MMUT: variants seen among roughly 807,000 people sequenced by gnomAD.
MMUT encodes methylmalonyl-CoA mutase, mitochondrial.
A neutral mutation model predicts 79.9 loss-of-function variants in MMUT; 79 were observed. The ratio of observed to expected loss-of-function variants is 0.99; its 90% confidence interval spans 0.82 to 1.19. The LOEUF (loss-of-function observed/expected upper bound fraction) is 1.19. MMUT is among the 50% of genes most tolerant of loss of function. The pLI, the probability that MMUT is intolerant of heterozygous loss-of-function variation, is 0.00. For synonymous variants in MMUT, 273 were observed against 295.7 expected (o/e 0.92, Z 0.79); for missense variants, 860 against 917.2 (o/e 0.94, Z 0.81).
rs78150750 is a variant in MMUT at position 49,444,685 on chromosome 6, C to T, written c.1630G>A (p.Gly544Arg). The T allele has an allele frequency of 3.7e-5, 60 of 1,613,410 alleles. No homozygotes were observed. The highest frequency in any genetic ancestry group is 1.7e-4 in the African/African-American group (13 of 74,958). The change falls in exon 9 of 13, where the codon GGA becomes AGA. Residue 544 changes from glycine to arginine, a missense_variant. By Grantham distance (125) the Gly-to-Arg change is moderately radical. Coordinates refer to ENST00000274813, the MANE Select transcript of MMUT (RefSeq NM_000255.4). ...LAALTECAASGDGNILALAVD... is the reference protein window; with the variant it reads ...LAALTECAASRDGNILALAVD... ...GCAAGAGCCAGGATATTTCCATCTCCGCTAGCAGCACATTCGGTTAGTGCA... is the reference window on the plus strand; with the variant it reads ...GCAAGAGCCAGGATATTTCCATCTCTGCTAGCAGCACATTCGGTTAGTGCA...
intron 6 of MMUT, 65 bp downstream of exon 6, chr6:49,451,401 A>G: frequency 6.5e-7 from 1 of 1,534,950 alleles, no homozygotes; most frequent in Non-Finnish European, 8.9e-7. Context: ...TGTAAGTTTT[A>G]AAATCTATAA....
intron 1 of MMUT, among the ~76,000 whole-genome samples, chr6:49,461,323 A>G: frequency 6.6e-6 from 1 of 152,206 alleles, no homozygotes; most frequent in South Asian, 2.1e-4. Flanking sequence ...AAATATATGT[A>G]TAAGTAAAAA....
At chr6:49,441,810 A>G (rs1280141592) in intron 10 of MMUT, 30 bp downstream of exon 10, 11 of 1,603,722 alleles carry the variant, frequency 6.9e-6, no homozygotes, top group Middle Eastern at 3.3e-4. Flanking sequence ...GAAAAGATGA[A>G]ATTCTGGCCT....
At position 49,435,280 on chromosome 6, in the gene MMUT, A is replaced by G. The variant is rs553123132; in HGVS notation, c.2124+176T>C. On this transcript the variant is annotated intron_variant, in intron 12 of 12. Transcript: ENST00000274813. ...GTTAAATTATACATAATAAATTGCA[A>G]TATAACTTGAATGCAAAACAACACT... Among the ~76,000 whole-genome samples the G allele has an allele frequency of 2.0e-5, 3 of 152,364 alleles. No individual in the cohort carries two copies. In the South Asian group the frequency reaches 6.2e-4, roughly 32 times the overall value.
rs1767768023 is a variant in MMUT, at chr6:49,459,103, A to T, written c.364T>A (p.Phe122Ile). 1 of 1,614,046 alleles carries T rather than the reference A, an allele frequency of 6.2e-7. No individual in the cohort carries two copies. The highest frequency in any genetic ancestry group is 8.5e-7 in the Non-Finnish European group (1 of 1,180,000). Reference protein sequence around the residue: ...GFSTVEESNKFYKDNIKAGQQ... With the variant: ...GFSTVEESNKIYKDNIKAGQQ... ...TCACCCTTAATGTTGTCCTTATAGAACTTATTGCTTTCTTCCACAGTACTA... is the reference window on the plus strand; with the variant it reads ...TCACCCTTAATGTTGTCCTTATAGATCTTATTGCTTTCTTCCACAGTACTA... The change falls in exon 2 of 13, where the codon TTC (phenylalanine) becomes ATC (isoleucine). Residue 122 changes from phenylalanine (F) to isoleucine (I), a missense_variant. Phe to Ile is a conservative substitution (Grantham distance 21). Coordinates refer to ENST00000274813, the MANE Select transcript of MMUT (RefSeq NM_000255.4).
At chr6:49,436,210 A>C (rs979222283) in intron 11 of MMUT, among the ~76,000 whole-genome samples, 1 of 152,202 alleles carries the variant, frequency 6.6e-6, no homozygotes, top group African/African-American at 2.4e-5. Context: ...TGTAGACGAC[A>C]GTGTGGTGAT....
rs777583211 is a variant in MMUT at position 49,451,682 on chromosome 6, T to C, written c.1116A>G (p.Ile372Met). 3 of 1,613,976 alleles carry C rather than the reference T, an allele frequency of 1.9e-6. No homozygotes were observed. Among genetic ancestry groups the C allele is most frequent in the Non-Finnish European group, 2.5e-6 (3 of 1,179,874 alleles). ...CTCCAAATACTGCTGCCATTGCTTC[T>C]ATTGCAGTACGGACAATATTATTGT... ...DPYNNIVRTA[I>M]EAMAAVFGGT... Residue 372 changes from isoleucine to methionine, a missense_variant, in exon 6 of 13, where the codon ATA becomes ATG. Coordinates refer to ENST00000274813, the MANE Select transcript of MMUT (RefSeq NM_000255.4).
rs1301344180 is a variant in MMUT, at chr6:49,448,913, A to G, written c.1347T>C (p.Ile449=). 6.2e-7 allele frequency: 1 copy of G among 1,610,010 alleles called. No homozygotes were observed. Among genetic ancestry groups the G allele is most frequent in the African/African-American group, 1.3e-5 (1 of 74,818 alleles). ...YDAALKLINE[I]EEMGGMAKAV... ...CTTTGGCCATTCCACCCATTTCTTC[A>G]ATTTCATTAATGAGCTAAAAAGAAA... is the stretch of plus-strand genomic sequence containing the variant. Residue 449 remains isoleucine (I), a synonymous_variant, in exon 7 of 13, where the codon ATT becomes ATC. Coordinates refer to ENST00000274813, the MANE Select transcript of MMUT (RefSeq NM_000255.4).
chr6:49,455,970 A>G, intron 4 of MMUT, 110 bp downstream of exon 4: 2 of 996,386 alleles, frequency 2.0e-6, no homozygotes, highest in Middle Eastern at 3.2e-4. Flanking sequence ...AAATATAAGA[A>G]AATCTAAATC....
chr6:49,437,323 CCCTATTAACA>C (rs1561951151), intron 11 of MMUT, among the ~76,000 whole-genome samples: 8 of 151,882 alleles, frequency 5.3e-5, no homozygotes, highest in Admixed American at 2.0e-4. Context: ...GCCAATTTCA[CCCTATTAACA>C]TGACATTACT....
At chr6:49,453,039 G>GTTTT (rs5876116) in intron 5 of MMUT, among the ~76,000 whole-genome samples, 8 of 116,200 alleles carry the variant, frequency 6.9e-5, no homozygotes, top group African/African-American at 9.3e-5. Context: ...TTCTTTCTTT[G>GTTTT]TTTTTTTTTT....
intron 1 of MMUT, among the ~76,000 whole-genome samples, chr6:49,461,202 AAG>A (rs1188965153): frequency 1.3e-5 from 2 of 152,212 alleles, no homozygotes; most frequent in East Asian, 3.8e-4. Flanking sequence ...CAACAGGAGC[AAG>A]AGAGGGGCTT....
At chr6:49,433,943 A>C (rs749517553) in intron 12 of MMUT, among the ~76,000 whole-genome samples, 1 of 152,218 alleles carries the variant, frequency 6.6e-6, no homozygotes, top group Non-Finnish European at 1.5e-5. Context: ...GAAAAATCAC[A>C]TGGCAAACAC....
Position 49,435,444 on chromosome 6 carries a change from G to C in MMUT, c.2124+12C>G. ...CCCATCACAGTACTAGAAAAATAGAGATAAAAAATACCTGAGGTGGTATCA... is the reference window on the plus strand; with the variant it reads ...CCCATCACAGTACTAGAAAAATAGACATAAAAAATACCTGAGGTGGTATCA... On this transcript the variant is annotated intron_variant, in intron 12 of 12. Transcript: ENST00000274813. 6.2e-7 allele frequency: 1 copy of C among 1,609,242 alleles called. No homozygotes were observed. The highest frequency in any genetic ancestry group is 8.5e-7 in the Non-Finnish European group (1 of 1,175,648).
In MMUT at chr6:49,431,113, T is replaced by C. The variant is rs1326081638; in HGVS notation, c.*615A>G. The C allele has an allele frequency of 1.3e-5, 2 of 152,324 alleles. No individual in the cohort carries two copies. Among genetic ancestry groups the C allele is most frequent in the Non-Finnish European group, 2.9e-5 (2 of 68,128 alleles). 9.4% of individuals were successfully genotyped at this position (152,324 alleles called of 1,614,324 possible). On this transcript the variant is annotated 3_prime_UTR_variant, in exon 13 of 13. Transcript: ENST00000274813. ...CAGAAATAACAAGGTCAGATGGTCATGATCAGGAAGAAAGTAAACTCAGAC... is the reference window on the plus strand; with the variant it reads ...CAGAAATAACAAGGTCAGATGGTCACGATCAGGAAGAAAGTAAACTCAGAC...
chr6:49,434,722 A>G (rs1767078813), intron 12 of MMUT, among the ~76,000 whole-genome samples: 1 of 152,190 alleles, frequency 6.6e-6, no homozygotes, highest in African/African-American at 2.4e-5. Context: ...TTAATAAATT[A>G]ACTGATATCA....
intron 5 of MMUT, 58 bp from the exon 6 acceptor site, chr6:49,451,772 A>ATAAACAGCAACATGAT: frequency 1.3e-6 from 2 of 1,532,484 alleles, no homozygotes; most frequent in Non-Finnish European, 1.8e-6. Flanking sequence ...TATTGCAACT[A>ATAAACAGCAACATGAT]TAAACAGCAA....
In MMUT at chr6:49,457,729, T is replaced by C. The variant is rs761839867; in HGVS notation, c.715A>G (p.Met239Val). Residue 239 changes from methionine (M) to valine (V), a missense_variant, in exon 3 of 13, where the codon ATG becomes GTG. Met to Val is a conservative substitution (Grantham distance 21, BLOSUM62 1). Transcript: ENST00000274813. The stretch of plus-strand genomic sequence containing the variant: ...TCAAATATGTCAGCAATAATTTTCA[T>C]GGATGGTTCTGGAGGAAAAATGTAT... ...NTYIFPPEPS[M>V]KIIADIFEYT... is the part of the protein sequence containing the mutation. The C allele has an allele frequency of 1.5e-5, 24 of 1,612,030 alleles. No homozygotes were observed. Among genetic ancestry groups the C allele is most frequent in the African/African-American group, 2.7e-5 (2 of 74,830 alleles).
rs1383037699 is a variant in MMUT at position 49,435,327 on chromosome 6, A to G, written c.2124+129T>C. 2.5e-5 allele frequency: 24 copies of G among 975,118 alleles called. No homozygotes were observed. In the Admixed American group the frequency reaches 5.0e-4, roughly 20 times the overall value. 60.4% of individuals were successfully genotyped at this position (975,118 alleles called of 1,614,324 possible). On this transcript the variant is annotated intron_variant, in intron 12 of 12. Coordinates refer to ENST00000274813, the MANE Select transcript of MMUT (RefSeq NM_000255.4). ...CACTGTCCACTTTTAGACCTTGTAGAATTTATTTAGTGAAATCACCAGGAA... is the reference window on the plus strand; with the variant it reads ...CACTGTCCACTTTTAGACCTTGTAGGATTTATTTAGTGAAATCACCAGGAA...
Sources: gnomAD v4.1 joint callset for allele counts (sites outside exome capture counted in the v4.1 genomes callset) on GRCh38, gnomAD v4.1.1 for gene constraint, MANE v1.5 for transcripts, NCBI Gene and HGNC (gene_info 2026-07-23, HGNC 2026-07-21) for gene names.